TLK1: variants seen among roughly 807,000 people sequenced by gnomAD.
The protein encoded by TLK1 is serine/threonine-protein kinase tousled-like 1.
A neutral mutation model predicts 105.3 loss-of-function variants in TLK1; 24 were observed. That is an observed-to-expected ratio of 0.23 (90% CI 0.17 to 0.32). The LOEUF (loss-of-function observed/expected upper bound fraction) is 0.32. Ranked by LOEUF, TLK1 falls within the 10% of genes least tolerant of loss-of-function variation. The pLI, the probability that TLK1 is intolerant of heterozygous loss-of-function variation, is 1.00. For synonymous variants in TLK1, 321 were observed against 310.4 expected, an observed-to-expected ratio of 1.03 and a Z score of -0.36; for missense variants, 558 against 910.5, an observed-to-expected ratio of 0.61 and a Z score of 4.98.
intron 3 of TLK1, among the ~76,000 whole-genome samples, chr2:171,063,076 T>C (rs773809991): frequency 6.6e-6 from 1 of 152,226 alleles, no homozygotes; most frequent in Admixed American, 6.5e-5. Flanking sequence ...CCGGGTGCAG[T>C]GACTCATGCC....
intron 1 of TLK1, among the ~76,000 whole-genome samples, chr2:171,194,910 G>A (rs1229962602): frequency 6.6e-6 from 1 of 151,804 alleles, no homozygotes; most frequent in Non-Finnish European, 1.5e-5. Context: ...AAAGAGGGAG[G>A]ATTGAAACAC....
chr2:171,057,370 T>A (rs1033247291), intron 5 of TLK1, among the ~76,000 whole-genome samples: 2 of 152,048 alleles, frequency 1.3e-5, no homozygotes, highest in East Asian at 3.8e-4. Flanking sequence ...ATTTATTTTA[T>A]CAATAGAGCC....
intron 2 of TLK1, among the ~76,000 whole-genome samples, chr2:171,108,458 A>G (rs1272694186): frequency 3.9e-5 from 6 of 152,208 alleles, no homozygotes. Flanking sequence ...CGTAAAGTAC[A>G]AGAAGACATT....
chr2:171,173,984 T>G (rs1448221518), intron 1 of TLK1, among the ~76,000 whole-genome samples: 1 of 152,208 alleles, frequency 6.6e-6, no homozygotes, highest in Non-Finnish European at 1.5e-5. Flanking sequence ...AACAGCCTGT[T>G]GAATCCATCT....
At chr2:171,036,647 C>G (rs1686355213) in intron 11 of TLK1, among the ~76,000 whole-genome samples, 1 of 152,192 alleles carries the variant, frequency 6.6e-6, no homozygotes, top group Admixed American at 6.5e-5. Flanking sequence ...ATACCTGGTT[C>G]CTCCATCGTA....
intron 1 of TLK1, among the ~76,000 whole-genome samples, chr2:171,209,712 C>T (rs1558991981): frequency 1.3e-5 from 2 of 151,884 alleles, no homozygotes; most frequent in African/African-American, 4.8e-5. Flanking sequence ...GCCTGGAGTC[C>T]TTATAAGAAG....
At chr2:171,011,730 T>C (rs1172348483) in intron 13 of TLK1, among the ~76,000 whole-genome samples, 1 of 152,190 alleles carries the variant, frequency 6.6e-6, no homozygotes, top group East Asian at 1.9e-4. Flanking sequence ...TAATAATTAC[T>C]GCATTGCCAA....
Position 171,160,286 on chromosome 2 carries a change from T to C in TLK1, c.139+4A>G. On this transcript the variant is annotated splice_donor_region_variant and intron_variant, in intron 1 of 20. Transcript: ENST00000431350. This position sits in a 1 kb window ranked among gnomAD's most constrained non-coding sequence, Gnocchi z 4.4. ...CGAGCGGGCGCGGGCGCGGCGGTGC[T>C]TACCTTCCCTGGGCCTCCCGGATGG... The C allele has an allele frequency of 6.4e-7, 1 of 1,557,220 alleles. No homozygotes were observed. Among genetic ancestry groups the C allele is most frequent in the East Asian group, 2.6e-5 (1 of 37,966 alleles).
At chr2:171,188,027 A>C (rs2105311854) in intron 1 of TLK1, among the ~76,000 whole-genome samples, 2 of 152,358 alleles carry the variant, frequency 1.3e-5, no homozygotes, top group South Asian at 4.1e-4. Flanking sequence ...GCAGGAATCC[A>C]CATGCATAAC....
intron 4 of TLK1, 63 bp downstream of exon 4, chr2:171,061,017 TA>T: frequency 6.7e-7 from 1 of 1,496,314 alleles, no homozygotes; most frequent in Admixed American, 1.8e-5. Context: ...ATTAATTGGT[TA>T]AAAATTAAAA....
chr2:171,026,552 T>A (rs1189061227), intron 12 of TLK1, among the ~76,000 whole-genome samples: 2 of 152,180 alleles, frequency 1.3e-5, no homozygotes, highest in African/African-American at 4.8e-5. Context: ...AATCTGAAAT[T>A]TGGTATTACA....
rs1473386166 is a variant in TLK1 at position 171,160,854 on chromosome 2, G to A, written c.-426C>T. 6 of 315,094 alleles carry A rather than the reference G, an allele frequency of 1.9e-5. No individual in the cohort carries two copies. The highest frequency in any genetic ancestry group is 6.6e-5 in the African/African-American group (3 of 45,458). The allele number at this position is 315,094 out of a possible 1,614,324, so 19.5% of individuals were successfully genotyped here. On this transcript the variant is annotated 5_prime_UTR_variant, in exon 1 of 21. Coordinates refer to ENST00000431350, the MANE Select transcript of TLK1 (RefSeq NM_012290.5). The surrounding 1 kb of genome is among the most constrained non-coding windows in gnomAD (Gnocchi z 4.4). The stretch of plus-strand genomic sequence containing the variant: ...GCGTCGCCCGGGAGGCGGCGGCGGC[G>A]GGCTGTGGGTGGCGGCTGAGGCGGT...
intron 18 of TLK1, among the ~76,000 whole-genome samples, chr2:171,001,337 G>A (rs1684359415): frequency 6.6e-6 from 1 of 152,002 alleles, no homozygotes; most frequent in African/African-American, 2.4e-5. Context: ...TTGTGTTTGG[G>A]GACTCATGGG....
At chr2:171,214,049 A>C (rs1693669502) in intron 1 of TLK1, among the ~76,000 whole-genome samples, 1 of 151,550 alleles carries the variant, frequency 6.6e-6, no homozygotes. Context: ...TTTAATGAAA[A>C]AAAAAAATTA....
At chr2:171,155,884 A>C (rs1692213256) in intron 1 of TLK1, 1 of 152,148 alleles carries the variant, frequency 6.6e-6, no homozygotes, top group African/African-American at 2.4e-5. Flanking sequence ...AGGAGAATGG[A>C]TCTATTCTCC....
At chr2:171,201,114 C>G (rs183168118) in intron 1 of TLK1, among the ~76,000 whole-genome samples, 249 of 152,170 alleles carry the variant, frequency 1.6e-3, no homozygotes, top group African/African-American at 5.6e-3. Flanking sequence ...AAACTCCTGA[C>G]CTCAGGTGAT....
At chr2:170,996,197 C>T (rs972707641) in intron 20 of TLK1, among the ~76,000 whole-genome samples, 7 of 151,894 alleles carry the variant, frequency 4.6e-5, no homozygotes, top group African/African-American at 1.5e-4. Flanking sequence ...CCGGGTTTCA[C>T]CATGTTGGTC....
At chr2:171,003,273 C>CAAAGAA (rs1684482641) in intron 18 of TLK1, among the ~76,000 whole-genome samples, 1 of 68,508 alleles carries the variant, frequency 1.5e-5, no homozygotes, top group African/African-American at 8.2e-5. Flanking sequence ...GACTCCGTCT[C>CAAAGAA]AAAAAAAAAA....
At chr2:171,123,545 C>A (rs112513499) in intron 1 of TLK1, among the ~76,000 whole-genome samples, 2,042 of 152,244 alleles carry the variant, frequency 0.013, 49 homozygotes, top group African/African-American at 0.046. Flanking sequence ...CAGTGGCTCA[C>A]GTCTGTAATC....
Sources: gnomAD v4.1 joint callset for allele counts (sites outside exome capture counted in the v4.1 genomes callset) on GRCh38, gnomAD v4.1.1 for gene constraint, Gnocchi (gnomAD v3.1) non-coding constraint, MANE v1.5 for transcripts, NCBI Gene and HGNC (gene_info 2026-07-23, HGNC 2026-07-21) for gene names.